DNAJC10: variants seen among roughly 807,000 people sequenced by gnomAD.
The protein encoded by DNAJC10 is DnaJ heat shock protein family (Hsp40) member C10.
In DNAJC10, 101 loss-of-function variants were observed where a neutral mutation model predicts 115.0. That is an observed-to-expected ratio of 0.88 (90% CI 0.75 to 1.04). The LOEUF is 1.04. Among genes scored for constraint, DNAJC10 ranks in the 50% least tolerant of loss-of-function variants. The probability of loss-of-function intolerance (pLI) is 0.00; values close to 1 mark genes in which losing one functional copy is unlikely to be tolerated. For missense variants in DNAJC10, 981 were observed against 928.8 expected (o/e 1.06, Z -0.73); for synonymous variants, 307 against 301.5 (o/e 1.02, Z -0.19).
intron 11 of DNAJC10, among the ~76,000 whole-genome samples, chr2:182,739,218 AATATCTCATATATATTTATATATATAT>A (rs1559006487): frequency 1.4e-4 from 21 of 144,896 alleles, no homozygotes; most frequent in Admixed American, 7.6e-4. Flanking sequence ...TTATATATAT[AATATCTCATATATATTTATATATATAT>A]ATATCTCATA....
rs201607521 is a variant in DNAJC10, at chr2:182,720,147, G to C, written c.345G>C (p.Trp115Cys). ...ATCAAGGTGGCCAGTATGAAAGCTGGAACTATTATCGTTATGATTTTGGTA... is the reference window on the plus strand; with the variant it reads ...ATCAAGGTGGCCAGTATGAAAGCTGCAACTATTATCGTTATGATTTTGGTA... ...EDNQGGQYES[W>C]NYYRYDFGIY... is the part of the protein sequence containing the mutation. Residue 115 changes from tryptophan to cysteine, a missense_variant, in exon 4 of 24, where the codon TGG (tryptophan) becomes TGC (cysteine). By Grantham distance (215) the Trp-to-Cys change is radical (BLOSUM62 -2). Transcript: ENST00000264065. 7.5e-6 allele frequency: 12 copies of C among 1,609,104 alleles called. No individual in the cohort carries two copies. The Admixed American group carries it at 1.0e-4, about 14-fold the overall frequency.
chr2:182,777,172 A>G lies in DNAJC10; in HGVS notation c.*40A>G, dbSNP rs1186742749. On this transcript the variant is annotated 3_prime_UTR_variant, in exon 24 of 24. Transcript: ENST00000264065. ...AAGAAAAAGTTTAAAAGAAATTCTG[A>G]CAGATGACATCAGAAGACACCTATT... is the stretch of plus-strand genomic sequence containing the variant. The G allele has an allele frequency of 2.3e-6, 3 of 1,293,744 alleles. No individual in the cohort carries two copies. The highest frequency in any genetic ancestry group is 3.2e-6 in the Non-Finnish European group (3 of 949,646). The allele number at this position is 1,293,744 out of a possible 1,614,324, so 80.1% of individuals were successfully genotyped here.
At chr2:182,738,094 A>G (rs288259) in intron 11 of DNAJC10, among the ~76,000 whole-genome samples, 102,341 of 152,026 alleles carry the variant, frequency 0.67, 35,165 homozygotes, top group African/African-American at 0.8. Context: ...TCCTTGAAGT[A>G]ATTAATGATC....
At chr2:182,721,730 A>G (rs1212457171) in intron 4 of DNAJC10, among the ~76,000 whole-genome samples, 2 of 152,090 alleles carry the variant, frequency 1.3e-5, no homozygotes, top group African/African-American at 2.4e-5. Context: ...ATCTGTAATT[A>G]TTTTTAAAAC....
At chr2:182,734,010 T>C (rs1291420615) in intron 10 of DNAJC10, among the ~76,000 whole-genome samples, 1 of 151,380 alleles carries the variant, frequency 6.6e-6, no homozygotes, top group Non-Finnish European at 1.5e-5. Context: ...CATGTCTGTT[T>C]TTATTCTTAT....
At chr2:182,748,664 A>T (rs945459306) in intron 14 of DNAJC10, among the ~76,000 whole-genome samples, 1 of 151,478 alleles carries the variant, frequency 6.6e-6, no homozygotes, top group Non-Finnish European at 1.5e-5. Context: ...AGTTTTGTTG[A>T]TCCTTTCAAA....
rs534748162 is a variant in DNAJC10 at position 182,762,752 on chromosome 2, G to A, written c.2216G>A (p.Gly739Glu). Residue 739 changes from glycine (G) to glutamate (E), a missense_variant, in exon 22 of 24, where the codon GGG becomes GAG. Coordinates refer to ENST00000264065, the MANE Select transcript of DNAJC10 (RefSeq NM_018981.4). ...QAYAQTCQKA[G>E]IRAYPTVKFY... ...TATGCTCAGACATGCCAGAAAGCTG[G>A]GATCAGGGCCTATCCAACTGTTAAA... 77 of 1,612,566 alleles carry A rather than the reference G, an allele frequency of 4.8e-5. 1 individual carries two copies. In the South Asian group the frequency reaches 7.8e-4, roughly 16 times the overall value.
intron 5 of DNAJC10, among the ~76,000 whole-genome samples, chr2:182,726,398 C>G (rs1258998132): frequency 1.3e-5 from 2 of 152,058 alleles, no homozygotes; most frequent in Non-Finnish European, 2.9e-5. Flanking sequence ...GGTGAAGATC[C>G]TGTAAACAAT....
intron 20 of DNAJC10, 103 bp from the exon 21 acceptor site, chr2:182,759,057 C>G: frequency 8.8e-7 from 1 of 1,133,048 alleles, no homozygotes. Flanking sequence ...CATTGCCCTT[C>G]CTTGACATCA....
intron 5 of DNAJC10, among the ~76,000 whole-genome samples, chr2:182,722,515 A>C (rs1229440336): frequency 6.6e-6 from 1 of 151,526 alleles, no homozygotes; most frequent in Non-Finnish European, 1.5e-5. Flanking sequence ...TGTATACCAG[A>C]ATAGATTCTT....
intron 5 of DNAJC10, among the ~76,000 whole-genome samples, chr2:182,725,144 T>G (rs1210838523): frequency 6.6e-6 from 1 of 152,208 alleles, no homozygotes. Context: ...GTTACTATTG[T>G]AATCATTTTG....
At chr2:182,722,698 T>C (rs1558996135) in intron 5 of DNAJC10, among the ~76,000 whole-genome samples, 1 of 152,140 alleles carries the variant, frequency 6.6e-6, no homozygotes, top group Non-Finnish European at 1.5e-5. Context: ...CCCAGCACTT[T>C]GGGAGGCCAA....
In DNAJC10 at chr2:182,784,441, G is replaced by A. The variant is rs889247214; in HGVS notation, c.*7309G>A. On this transcript the variant is annotated 3_prime_UTR_variant, in exon 24 of 24. Coordinates refer to ENST00000264065, the MANE Select transcript of DNAJC10 (RefSeq NM_018981.4). ...ATCTCTGAAGACAGCAGCCACATGTGTCTTATTCCCTGCAGTGTTGGCAGA... is the reference window on the plus strand; with the variant it reads ...ATCTCTGAAGACAGCAGCCACATGTATCTTATTCCCTGCAGTGTTGGCAGA... 6.6e-6 allele frequency: 1 copy of A among 152,158 alleles called. No individual in the cohort carries two copies. The highest frequency in any genetic ancestry group is 1.5e-5 in the Non-Finnish European group (1 of 68,028). The allele number at this position is 152,158 out of a possible 1,614,324, so 9.4% of individuals were successfully genotyped here. A position where few individuals can be genotyped will look rare whatever the true frequency, so the allele number is the denominator to read the frequency against.
At chr2:182,741,146 G>C in intron 12 of DNAJC10, 97 bp from the exon 13 acceptor site, 1 of 736,976 alleles carries the variant, frequency 1.4e-6, no homozygotes. Flanking sequence ...GAAATAATGG[G>C]TAGGGGAGCT....
At chr2:182,756,795 C>T (rs773812958) in intron 18 of DNAJC10, among the ~76,000 whole-genome samples, 3 of 152,176 alleles carry the variant, frequency 2.0e-5, no homozygotes, top group South Asian at 2.1e-4. Flanking sequence ...TGTGCCACCA[C>T]GCCTAGCTAA....
intron 14 of DNAJC10, 84 bp from the exon 15 acceptor site, chr2:182,751,574 A>G (rs1574942607): frequency 7.0e-7 from 1 of 1,419,052 alleles, no homozygotes; most frequent in Non-Finnish European, 9.7e-7. Context: ...CTTCTTTAGT[A>G]TTCTGAGTAT....
intron 11 of DNAJC10, 51 bp downstream of exon 11, chr2:182,736,437 C>G: frequency 2.3e-6 from 3 of 1,290,242 alleles, no homozygotes; most frequent in Non-Finnish European, 3.1e-6. Flanking sequence ...CAAACACCCT[C>G]AAAAATAATA....
chr2:182,740,134 A>G (rs1693694399), intron 11 of DNAJC10, 165 bp from the exon 12 acceptor site: 2 of 1,153,752 alleles, frequency 1.7e-6, no homozygotes, highest in Non-Finnish European at 2.2e-6. Flanking sequence ...GATAATTGCC[A>G]AAATACACTT....
At chr2:182,775,131 A>G (rs981083870) in intron 22 of DNAJC10, among the ~76,000 whole-genome samples, 185 bp from the exon 23 acceptor site, 2 of 104,278 alleles carry the variant, frequency 1.9e-5, no homozygotes, top group Admixed American at 1.9e-4. Flanking sequence ...ATTAGTATTT[A>G]TTTTAGGTAC....
Sources: gnomAD v4.1 joint callset for allele counts (sites outside exome capture counted in the v4.1 genomes callset) on GRCh38, gnomAD v4.1.1 for gene constraint, MANE v1.5 for transcripts, NCBI Gene and HGNC (gene_info 2026-07-23, HGNC 2026-07-21) for gene names.